RAB1A: variants seen among roughly 807,000 people sequenced by gnomAD.
The protein encoded by RAB1A is ras-related protein Rab-1A.
In RAB1A, 2 loss-of-function variants were observed where a neutral mutation model predicts 26.0. The ratio of observed to expected loss-of-function variants is 0.08; its 90% CI spans 0.03 to 0.24. RAB1A has a LOEUF of 0.24. RAB1A is among the 10% of genes least tolerant of loss of function. The probability of loss-of-function intolerance (pLI) is 1.00; values close to 1 mark genes in which losing one functional copy is unlikely to be tolerated. For missense variants in RAB1A, 100 were observed against 247.0 expected (o/e 0.40, Z 3.99); for synonymous variants, 84 against 84.9 (o/e 0.99, Z 0.06).
At position 65,118,015 on chromosome 2, in the gene RAB1A, C is replaced by T. The variant is rs146122562; in HGVS notation, c.23+11878G>A. 2.1e-3 allele frequency among the ~76,000 whole-genome samples: 322 copies of T among 152,354 alleles called. 3 individuals carry two copies. Among genetic ancestry groups the T allele is most frequent in the African/African-American group, 7.4e-3 (308 of 41,584 alleles). ...CTTGGGCAAGTCATTTAACTCTTCT[C>T]TGCCTCTGTTTCCTTGTTTGTAAAA... is the stretch of plus-strand genomic sequence containing the variant. On this transcript the variant is annotated intron_variant, in intron 1 of 5. Coordinates refer to ENST00000409784, the MANE Select transcript of RAB1A (RefSeq NM_004161.5).
intron 1 of RAB1A, 182 bp from the exon 2 acceptor site, chr2:65,104,988 A>G (rs1266363197): frequency 3.1e-5 from 22 of 703,652 alleles, no homozygotes; most frequent in Non-Finnish European, 3.4e-5. Context: ...ATCACTAAAC[A>G]TGATAAAATT....
At chr2:65,107,918 G>A (rs1669599612) in intron 1 of RAB1A, among the ~76,000 whole-genome samples, 1 of 151,980 alleles carries the variant, frequency 6.6e-6, no homozygotes, top group South Asian at 2.1e-4. Context: ...ACTAAAATTA[G>A]CTAGGCATGG....
At chr2:65,106,038 G>A (rs1353873415) in intron 1 of RAB1A, among the ~76,000 whole-genome samples, 1 of 152,170 alleles carries the variant, frequency 6.6e-6, no homozygotes, top group Non-Finnish European at 1.5e-5. Flanking sequence ...GGAATTACAG[G>A]TGTGAGCCAC....
At chr2:65,122,620 G>C (rs1395926181) in intron 1 of RAB1A, among the ~76,000 whole-genome samples, 2 of 151,898 alleles carry the variant, frequency 1.3e-5, no homozygotes, top group African/African-American at 2.4e-5. Context: ...AAAACGTTAA[G>C]AAGCATCTTA....
chr2:65,113,007 C>G (rs984854371), intron 1 of RAB1A, among the ~76,000 whole-genome samples: 2 of 151,980 alleles, frequency 1.3e-5, no homozygotes, highest in Non-Finnish European at 2.9e-5. Context: ...CCAAGAGTTC[C>G]AGACCAGCCT....
chr2:65,116,606 T>C (rs969635757), intron 1 of RAB1A, among the ~76,000 whole-genome samples: 3 of 152,212 alleles, frequency 2.0e-5, no homozygotes, highest in African/African-American at 7.2e-5. Flanking sequence ...TTATTTCTCC[T>C]TCCTCCCAGC....
intron 4 of RAB1A, among the ~76,000 whole-genome samples, chr2:65,090,687 T>C (rs1267333201): frequency 6.6e-6 from 1 of 152,230 alleles, no homozygotes; most frequent in Non-Finnish European, 1.5e-5. Flanking sequence ...CACGATTCCC[T>C]ACAAACTCTT....
intron 1 of RAB1A, among the ~76,000 whole-genome samples, chr2:65,126,571 G>C (rs1348073160): frequency 6.6e-6 from 1 of 152,056 alleles, no homozygotes; most frequent in Non-Finnish European, 1.5e-5. Context: ...AAATTTAGCA[G>C]AACCCATTAA....
At chr2:65,121,407 A>G (rs1402025954) in intron 1 of RAB1A, among the ~76,000 whole-genome samples, 1 of 152,192 alleles carries the variant, frequency 6.6e-6, no homozygotes, top group Non-Finnish European at 1.5e-5. Flanking sequence ...CATAGAACAC[A>G]GTAAACTTAA....
At chr2:65,122,413 C>G (rs951015325) in intron 1 of RAB1A, among the ~76,000 whole-genome samples, 1 of 146,202 alleles carries the variant, frequency 6.8e-6, no homozygotes, top group East Asian at 2.0e-4. Context: ...AAAAAATTAG[C>G]CAGGTGTGGT....
In RAB1A at chr2:65,129,935, C is replaced by A; in HGVS notation, c.-20G>T. 6.3e-7 allele frequency: 1 copy of A among 1,581,602 alleles called. No individual in the cohort carries two copies. Among genetic ancestry groups the A allele is most frequent in the Non-Finnish European group, 8.6e-7 (1 of 1,165,506 alleles). On this transcript the variant is annotated 5_prime_UTR_variant, in exon 1 of 6. Coordinates refer to ENST00000409784, the MANE Select transcript of RAB1A (RefSeq NM_004161.5). ...GGACATGTCACTGCAGCTGCCGCCG[C>A]CGCCACCGCCGCCCTTGCTGCCGCA... is the stretch of plus-strand genomic sequence containing the variant.
intron 1 of RAB1A, among the ~76,000 whole-genome samples, chr2:65,127,895 G>A (rs887039726): frequency 2.6e-5 from 4 of 151,978 alleles, no homozygotes; most frequent in Admixed American, 2.6e-4. Context: ...CACCACGCCC[G>A]GCTAATTTTT....
intron 2 of RAB1A, among the ~76,000 whole-genome samples, chr2:65,101,323 G>C (rs555327720): frequency 2.0e-5 from 3 of 152,060 alleles, no homozygotes; most frequent in African/African-American, 7.2e-5. Flanking sequence ...CTTCAGTTTT[G>C]AGCTCAGGCA....
At chr2:65,129,806 C>T in intron 1 of RAB1A, 87 bp downstream of exon 1, 1 of 1,546,708 alleles carries the variant, frequency 6.5e-7, no homozygotes. Context: ...GCCGATGCCC[C>T]GACTTCTGCC....
intron 1 of RAB1A, among the ~76,000 whole-genome samples, chr2:65,119,841 CAAAAAAAAAAAA>C (rs1178958164): frequency 5.5e-5 from 2 of 36,440 alleles, no homozygotes; most frequent in East Asian, 1.8e-3. Context: ...CCTGTCTCTA[CAAAAAAAAAAAA>C]AAAAAAAAAA....
chr2:65,103,304 A>AAAAAAAAAAAAAAAAAAAAAAC (rs757626011), intron 2 of RAB1A, among the ~76,000 whole-genome samples: 22 of 112,518 alleles, frequency 2.0e-4, no homozygotes, highest in African/African-American at 4.3e-4. Context: ...TGTCTCAAAA[A>AAAAAAAAAAAAAAAAAAAAAAC]AAAAAAAAAA....
intron 3 of RAB1A, among the ~76,000 whole-genome samples, chr2:65,094,536 A>G (rs1669241218): frequency 1.3e-5 from 2 of 151,590 alleles, no homozygotes; most frequent in South Asian, 4.2e-4. Context: ...GTGAGCCGAG[A>G]TCACGCCATT....
chr2:65,102,768 A>C (rs1669461924), intron 2 of RAB1A, among the ~76,000 whole-genome samples: 1 of 152,076 alleles, frequency 6.6e-6, no homozygotes, highest in African/African-American at 2.4e-5. Context: ...TCTACTAAAA[A>C]TACAAAAACT....
intron 1 of RAB1A, among the ~76,000 whole-genome samples, chr2:65,113,007 C>T (rs984854371): frequency 6.6e-6 from 1 of 151,980 alleles, no homozygotes; most frequent in Non-Finnish European, 1.5e-5. Context: ...CCAAGAGTTC[C>T]AGACCAGCCT....
Sources: allele counts gnomAD v4.1 joint callset (sites outside exome capture counted in the v4.1 genomes callset), GRCh38; gene constraint gnomAD v4.1.1; transcripts MANE v1.5; gene names NCBI Gene and HGNC (gene_info 2026-07-23, HGNC 2026-07-21).